Variants in PPP1R9A observed in about 807,000 individuals in gnomAD.
PPP1R9A encodes the protein protein phosphatase 1 regulatory subunit 9A.
PPP1R9A carries 59 observed loss-of-function variants against 141.9 expected under a neutral mutation model. The observed-to-expected ratio is 0.42, with a 90% CI of 0.34 to 0.52. The LOEUF (loss-of-function observed/expected upper bound fraction) is 0.52, where lower values mean the gene tolerates loss of function less well. Among genes scored for constraint, PPP1R9A ranks in the 20% least tolerant of loss-of-function variants. The pLI is 0.10. For synonymous variants in PPP1R9A, 500 were observed against 569.7 expected (o/e 0.88, Z 1.74); for missense variants, 1,444 against 1,611.9 (o/e 0.90, Z 1.78).
At chr7:95,153,737 G>C (rs1829121600) in intron 4 of PPP1R9A, among the ~76,000 whole-genome samples, 1 of 152,142 alleles carries the variant, frequency 6.6e-6, no homozygotes, top group Admixed American at 6.6e-5. Flanking sequence ...TTGAAAGTTT[G>C]GTAGAATTTG....
intron 12 of PPP1R9A, among the ~76,000 whole-genome samples, chr7:95,266,622 G>C (rs1383862985): frequency 6.6e-6 from 1 of 151,694 alleles, no homozygotes; most frequent in Non-Finnish European, 1.5e-5. Context: ...CTTCAGGAGA[G>C]AAAAAAAATA....
chr7:95,053,385 GTTTTTGTATAAT>G (rs1489803281), intron 2 of PPP1R9A, among the ~76,000 whole-genome samples: 1 of 152,160 alleles, frequency 6.6e-6, no homozygotes, highest in African/African-American at 2.4e-5. Context: ...CACTAAGGAA[GTTTTTGTATAAT>G]TTTCCCACAA....
At chr7:94,979,328 C>T (rs1444121052) in intron 2 of PPP1R9A, among the ~76,000 whole-genome samples, 3 of 152,088 alleles carry the variant, frequency 2.0e-5, no homozygotes, top group Non-Finnish European at 4.4e-5. Flanking sequence ...CAGGTATATC[C>T]TGTATATCTC....
Position 95,120,740 on chromosome 7 carries a change from T to C in PPP1R9A, c.1557T>C (p.Ile519=). Reference sequence around the variant, plus strand: ...AGGATGGTCTTGGTATAAGTATTATTGGAATGGGTGTTGGAGCAGATGCTG... The same window carrying C: ...AGGATGGTCTTGGTATAAGTATTATCGGAATGGGTGTTGGAGCAGATGCTG... ...KDEDGLGISI[I]GMGVGADAGL... Residue 519 remains isoleucine, a synonymous_variant, in exon 4 of 20, where the codon ATT becomes ATC. Coordinates refer to ENST00000433360, the MANE Select transcript of PPP1R9A (RefSeq NM_001166160.2). 1 of 1,614,012 alleles carries C rather than the reference T, an allele frequency of 6.2e-7. No homozygotes were observed. The highest frequency in any genetic ancestry group is 8.5e-7 in the Non-Finnish European group (1 of 1,179,924).
intron 16 of PPP1R9A, among the ~76,000 whole-genome samples, chr7:95,276,569 T>A (rs190756063): frequency 6.6e-6 from 1 of 152,330 alleles, no homozygotes; most frequent in African/African-American, 2.4e-5. Flanking sequence ...TAGTTTCTAA[T>A]TAGAATCATG....
At chr7:95,201,354 G>A (rs1367550318) in intron 6 of PPP1R9A, among the ~76,000 whole-genome samples, 1 of 152,146 alleles carries the variant, frequency 6.6e-6, no homozygotes, top group Non-Finnish European at 1.5e-5. Flanking sequence ...CTCATCCTCT[G>A]TGACTTGGGT....
intron 2 of PPP1R9A, among the ~76,000 whole-genome samples, chr7:94,970,582 T>C (rs1798752235): frequency 6.6e-6 from 1 of 151,992 alleles, no homozygotes; most frequent in African/African-American, 2.4e-5. Flanking sequence ...GTTGACCTTG[T>C]TGGGAACTGC....
chr7:94,973,923 C>T (rs777843852), intron 2 of PPP1R9A, among the ~76,000 whole-genome samples: 2 of 151,942 alleles, frequency 1.3e-5, no homozygotes, highest in Non-Finnish European at 2.9e-5. Context: ...CATTATGTTG[C>T]CTAGGCTGGT....
Position 95,290,403 on chromosome 7 carries a change from G to C in PPP1R9A, c.*100G>C. On this transcript the variant is annotated 3_prime_UTR_variant, in exon 20 of 20. Transcript: ENST00000433360. ...GGATGAAAAAGAAACTAAATGATAA[G>C]GGTAATGCGGCTCTAGGCCGGCTGA... The C allele has an allele frequency of 2.3e-6, 3 of 1,313,692 alleles. No individual in the cohort carries two copies. The highest frequency in any genetic ancestry group is 3.1e-6 in the Non-Finnish European group (3 of 971,932). 81.4% of individuals were successfully genotyped at this position (1,313,692 alleles called of 1,614,324 possible). A position where few individuals can be genotyped will look rare whatever the true frequency, so the allele number is the denominator to read the frequency against.
At chr7:95,009,837 G>A (rs1804163541) in intron 2 of PPP1R9A, among the ~76,000 whole-genome samples, 1 of 152,178 alleles carries the variant, frequency 6.6e-6, no homozygotes, top group Non-Finnish European at 1.5e-5. Context: ...GACAGGGGCA[G>A]AATGGCTTAG....
chr7:95,259,402 A>G (rs1800092466), intron 12 of PPP1R9A, among the ~76,000 whole-genome samples: 1 of 152,112 alleles, frequency 6.6e-6, no homozygotes, highest in Admixed American at 6.5e-5. Context: ...ACCACAAAAG[A>G]GTTTTTAAGC....
At chr7:95,124,626 A>T (rs1361694931) in intron 4 of PPP1R9A, among the ~76,000 whole-genome samples, 1 of 152,122 alleles carries the variant, frequency 6.6e-6, no homozygotes, top group Non-Finnish European at 1.5e-5. Flanking sequence ...TCTGGGTTAG[A>T]TGTTCTCTAA....
chr7:95,077,031 C>A (rs1814958625), intron 2 of PPP1R9A, among the ~76,000 whole-genome samples: 1 of 151,704 alleles, frequency 6.6e-6, no homozygotes, highest in South Asian at 2.1e-4. Context: ...CAAATAATGC[C>A]ATTTTACTTT....
intron 2 of PPP1R9A, among the ~76,000 whole-genome samples, chr7:95,023,933 A>G (rs923692498): frequency 2.0e-5 from 3 of 152,154 alleles, no homozygotes; most frequent in Non-Finnish European, 1.5e-5. Context: ...TAGTGCTATA[A>G]GTTTCTCTCG....
At chr7:94,925,907 G>A (rs1482317658) in intron 2 of PPP1R9A, among the ~76,000 whole-genome samples, 2 of 152,082 alleles carry the variant, frequency 1.3e-5, no homozygotes, top group Non-Finnish European at 2.9e-5. Flanking sequence ...GCTCACTACA[G>A]CCTCGACCTC....
chr7:95,185,667 A>G (rs1351569048), intron 5 of PPP1R9A, among the ~76,000 whole-genome samples: 3 of 151,986 alleles, frequency 2.0e-5, no homozygotes, highest in Non-Finnish European at 4.4e-5. Context: ...CAGATCTTAG[A>G]TTTAAGTCTT....
intron 19 of PPP1R9A, among the ~76,000 whole-genome samples, chr7:95,289,604 T>C (rs913422699): frequency 2.0e-5 from 3 of 152,208 alleles, no homozygotes; most frequent in Admixed American, 6.5e-5. Flanking sequence ...TGGCTAGTCA[T>C]GCTGACACGA....
At chr7:95,248,041 T>G (rs541838704) in intron 9 of PPP1R9A, among the ~76,000 whole-genome samples, 2 of 151,484 alleles carry the variant, frequency 1.3e-5, no homozygotes, top group East Asian at 3.9e-4. Context: ...TCACATAATT[T>G]AAATTTGTGG....
intron 2 of PPP1R9A, among the ~76,000 whole-genome samples, chr7:94,966,569 T>C (rs1798243113): frequency 6.6e-6 from 1 of 152,242 alleles, no homozygotes; most frequent in Non-Finnish European, 1.5e-5. Flanking sequence ...TCTATTGAGA[T>C]AATCATGTGG....
Sources: gnomAD v4.1 joint callset for allele counts (sites outside exome capture counted in the v4.1 genomes callset) on GRCh38, gnomAD v4.1.1 for gene constraint, MANE v1.5 for transcripts, NCBI Gene and HGNC (gene_info 2026-07-23, HGNC 2026-07-21) for gene names.